The following HELZ variants were observed in gnomAD, a reference collection of about 807,000 sequenced individuals.
The protein encoded by HELZ is ATP-dependent RNA helicase with zinc finger domain.
A neutral mutation model predicts 218.2 loss-of-function variants in HELZ; 23 were observed. The observed-to-expected ratio is 0.11, with a 90% CI of 0.08 to 0.15. The LOEUF is 0.15. HELZ is among the 10% of genes least tolerant of loss of function. HELZ has a pLI of 1.00. For missense variants in HELZ, 1,813 were observed against 2,353.7 expected (o/e 0.77, Z 4.75); for synonymous variants, 814 against 829.4 (o/e 0.98, Z 0.32).
Position 67,153,133 on chromosome 17 carries a change from C to G in HELZ, c.2178-1909G>C, listed in dbSNP as rs1423180476. Among the ~76,000 whole-genome samples, 4 of 152,032 alleles carry G rather than the reference C, an allele frequency of 2.6e-5. No homozygotes were observed. In the East Asian group the frequency reaches 7.7e-4, roughly 29 times the overall value. ...CCAGGGAGTATATATAGACAACTGT[C>G]TGGATAAGTTTTGCTTAAAGGCTGA... On this transcript the variant is annotated intron_variant, in intron 17 of 32. Transcript: ENST00000358691.
At chr17:67,119,993 C>CTATT in intron 27 of HELZ, 1 of 158,996 alleles carries the variant, frequency 6.3e-6, no homozygotes, top group Admixed American at 1.4e-4. Context: ...TCTCCCTTTT[C>CTATT]TTTTTTTTTT....
chr17:67,180,746 C>T (rs568323013), intron 12 of HELZ, among the ~76,000 whole-genome samples: 34 of 152,056 alleles, frequency 2.2e-4, no homozygotes, highest in African/African-American at 8.0e-4. Flanking sequence ...GGCGTGGTGG[C>T]GGGTGCCTGT....
intron 31 of HELZ, among the ~76,000 whole-genome samples, chr17:67,089,139 T>C (rs539629514): frequency 6.6e-6 from 1 of 152,262 alleles, no homozygotes; most frequent in South Asian, 2.1e-4. Flanking sequence ...AAAACTAACG[T>C]TGGGTATGGG....
At chr17:67,209,150 A>G (rs1159468546) in intron 5 of HELZ, among the ~76,000 whole-genome samples, 1 of 149,938 alleles carries the variant, frequency 6.7e-6, no homozygotes, top group Non-Finnish European at 1.5e-5. Context: ...ACTGGCAAGG[A>G]GCTTAAATAC....
intron 32 of HELZ, among the ~76,000 whole-genome samples, chr17:67,083,097 T>C (rs1303652846): frequency 6.6e-6 from 1 of 151,980 alleles, no homozygotes; most frequent in Admixed American, 6.5e-5. Context: ...CCTCAGGTGA[T>C]CCACTCGCTT....
At chr17:67,133,918 CT>C (rs2038065042) in intron 23 of HELZ, among the ~76,000 whole-genome samples, 1 of 152,112 alleles carries the variant, frequency 6.6e-6, no homozygotes, top group African/African-American at 2.4e-5. Flanking sequence ...TGCTGTCTCA[CT>C]TATCAAATAA....
At chr17:67,133,903 G>T (rs562428000) in intron 23 of HELZ, among the ~76,000 whole-genome samples, 2 of 152,142 alleles carry the variant, frequency 1.3e-5, no homozygotes, top group Admixed American at 6.5e-5. Context: ...TAATCAAATT[G>T]TATGTGCTGT....
At chr17:67,224,797 A>G (rs1223185855) in intron 3 of HELZ, 1 of 1,174,082 alleles carries the variant, frequency 8.5e-7, no homozygotes, top group Non-Finnish European at 1.2e-6. Context: ...CCACAAAACG[A>G]CACAGTACAA....
intron 1 of HELZ, chr17:67,244,621 C>A (rs2041420624): frequency 5.2e-6 from 5 of 953,314 alleles, no homozygotes; most frequent in Non-Finnish European, 6.2e-6. Flanking sequence ...GGGCCGAGAG[C>A]CCTCCGCGGG....
intron 26 of HELZ, among the ~76,000 whole-genome samples, chr17:67,121,956 C>G (rs567560409): frequency 1.6e-4 from 25 of 152,258 alleles, no homozygotes; most frequent in African/African-American, 6.0e-4. Context: ...CATCACTTTA[C>G]AAAATGAGAC....
At position 67,078,519 on chromosome 17, in the gene HELZ, G is replaced by C; in HGVS notation, c.5562C>G (p.Ser1854=). The change falls in exon 33 of 33, where the codon TCC becomes TCG. Residue 1854 remains serine, a synonymous_variant. Coordinates refer to ENST00000358691, the MANE Select transcript of HELZ (RefSeq NM_014877.4). ...GATGCTGCAGCACACTGTAGTTGAAGGAACTGGACACCTCGAGGTTCTCCG... is the reference window on the plus strand; with the variant it reads ...GATGCTGCAGCACACTGTAGTTGAACGAACTGGACACCTCGAGGTTCTCCG... ...LKSENLEVSS[S]FNYSVLQHLG... is the part of the protein sequence containing the mutation. 6.6e-7 allele frequency: 1 copy of C among 1,521,334 alleles called. No individual in the cohort carries two copies. The highest frequency in any genetic ancestry group is 1.3e-5 in the South Asian group (1 of 76,448). 94.2% of individuals were successfully genotyped at this position (1,521,334 alleles called of 1,614,324 possible). A position where few individuals can be genotyped will look rare whatever the true frequency, so the allele number is the denominator to read the frequency against.
At chr17:67,232,305 G>A (rs945610364) in intron 3 of HELZ, among the ~76,000 whole-genome samples, 12 of 151,978 alleles carry the variant, frequency 7.9e-5, no homozygotes, top group Admixed American at 1.3e-4. Flanking sequence ...CACCATAACC[G>A]GCTATGCCCG....
intron 26 of HELZ, among the ~76,000 whole-genome samples, chr17:67,120,890 T>C (rs1463540391): frequency 6.6e-6 from 1 of 152,250 alleles, no homozygotes; most frequent in Non-Finnish European, 1.5e-5. Flanking sequence ...TTGGTAATTA[T>C]TCCTTGAGGC....
At chr17:67,166,359 C>A in intron 15 of HELZ, 119 bp downstream of exon 15, 1 of 749,958 alleles carries the variant, frequency 1.3e-6, no homozygotes, top group South Asian at 2.3e-5. Flanking sequence ...CTTTCTAAAC[C>A]AATATCTCCT....
intron 12 of HELZ, among the ~76,000 whole-genome samples, chr17:67,187,158 TTTTTA>T (rs1164555130): frequency 2.0e-5 from 3 of 152,332 alleles, no homozygotes; most frequent in East Asian, 1.9e-4. Flanking sequence ...AAATACTTTA[TTTTTA>T]TTTTATCAAC....
At chr17:67,209,867 C>T (rs2040407043) in intron 5 of HELZ, among the ~76,000 whole-genome samples, 1 of 152,116 alleles carries the variant, frequency 6.6e-6, no homozygotes, top group African/African-American at 2.4e-5. Context: ...TTAACTCATT[C>T]ACTAAATATT....
In HELZ at chr17:67,077,949, T is replaced by TA; in HGVS notation, c.*302_*303insT. 6.1e-6 allele frequency: 1 copy of TA among 165,102 alleles called. No homozygotes were observed. Among genetic ancestry groups the TA allele is most frequent in the Non-Finnish European group, 1.3e-5 (1 of 77,258 alleles). The allele number at this position is 165,102 out of a possible 1,614,324, so 10.2% of individuals were successfully genotyped here. A position where few individuals can be genotyped will look rare whatever the true frequency, so the allele number is the denominator to read the frequency against. On this transcript the variant is annotated 3_prime_UTR_variant, in exon 33 of 33. Coordinates refer to ENST00000358691, the MANE Select transcript of HELZ (RefSeq NM_014877.4). The stretch of plus-strand genomic sequence containing the variant: ...CAAACTTTTCTTTTTTTTTTTTTTT[T>TA]TATAGTTGCACAATTAACCTCTTGG...
chr17:67,147,670 G>GT (rs71293574), intron 20 of HELZ, among the ~76,000 whole-genome samples: 21 of 109,560 alleles, frequency 1.9e-4, no homozygotes, highest in Admixed American at 1.6e-3. Context: ...TTGGTAGGAA[G>GT]GGGGGGTCTT....
At chr17:67,207,208 G>A (rs565396317) in intron 5 of HELZ, among the ~76,000 whole-genome samples, 70 of 133,042 alleles carry the variant, frequency 5.3e-4, no homozygotes, top group African/African-American at 1.9e-3. Context: ...CACCACGCCC[G>A]GCCTTTTTTT....
Sources: allele counts gnomAD v4.1 joint callset (sites outside exome capture counted in the v4.1 genomes callset), GRCh38; gene constraint gnomAD v4.1.1; transcripts MANE v1.5; gene names NCBI Gene and HGNC (gene_info 2026-07-23, HGNC 2026-07-21).